TRAP1: variants seen among roughly 807,000 people sequenced by gnomAD.
TRAP1 encodes the protein heat shock protein 75 kDa, mitochondrial.
Under a neutral mutation model 89.1 loss-of-function variants are expected in TRAP1, and 102 were observed. That is an observed-to-expected ratio of 1.15 (90% CI 0.98 to 1.35). TRAP1 has a LOEUF of 1.35. TRAP1 is among the 40% of genes most tolerant of loss of function. The pLI, the probability that TRAP1 is intolerant of heterozygous loss-of-function variation, is 0.00. For synonymous variants in TRAP1, 508 were observed against 388.0 expected, an observed-to-expected ratio of 1.31 and a Z score of -3.64; for missense variants, 1,256 against 945.3, an observed-to-expected ratio of 1.33 and a Z score of -4.31.
At chr16:3,706,019 C>T (rs752406275) in intron 1 of TRAP1, among the ~76,000 whole-genome samples, 15 of 144,802 alleles carry the variant, frequency 1.0e-4, no homozygotes, top group East Asian at 4.1e-4. Flanking sequence ...TTTTTTGAGA[C>T]GGAGTCTCAC....
rs934115716 is a variant in TRAP1 at position 3,672,505 on chromosome 16, C to G, written c.1165+195G>C. On this transcript the variant is annotated intron_variant, in intron 10 of 17. Coordinates refer to ENST00000246957, the MANE Select transcript of TRAP1 (RefSeq NM_016292.3). ...AATCTGAACACCCCAGTGCTCCCCC[C>G]AGATCAGTCATGTGCGTAGGGAGGT... 5.9e-5 allele frequency among the ~76,000 whole-genome samples: 9 copies of G among 152,162 alleles called. No homozygotes were observed. The East Asian group carries it at 7.7e-4, about 13-fold the overall frequency.
intron 15 of TRAP1, chr16:3,662,350 C>G (rs1036638068): frequency 6.4e-6 from 4 of 626,528 alleles, no homozygotes; most frequent in Admixed American, 3.0e-5. Context: ...GCTCCACCAC[C>G]CTGGTGCCCC....
intron 11 of TRAP1, among the ~76,000 whole-genome samples, chr16:3,671,160 G>C (rs1314434994): frequency 6.6e-6 from 1 of 152,008 alleles, no homozygotes; most frequent in Non-Finnish European, 1.5e-5. Context: ...CACCCCACAG[G>C]CTCCCTCTGA....
intron 1 of TRAP1, 87 bp from the exon 2 acceptor site, chr16:3,691,072 G>A: frequency 7.8e-7 from 1 of 1,280,320 alleles, no homozygotes; most frequent in Non-Finnish European, 1.0e-6. Context: ...GTGTCTAGCA[G>A]AAGCTAGCGT....
chr16:3,677,802 G>T (rs890487699), intron 5 of TRAP1, 144 bp from the exon 6 acceptor site: 2 of 926,030 alleles, frequency 2.2e-6, no homozygotes, highest in Non-Finnish European at 1.6e-6. Flanking sequence ...CATTCTACAC[G>T]TGAAGAGCTA....
intron 1 of TRAP1, among the ~76,000 whole-genome samples, chr16:3,700,325 G>A (rs1040679643): frequency 2.0e-5 from 3 of 151,510 alleles, no homozygotes; most frequent in Non-Finnish European, 2.9e-5. Flanking sequence ...GTGCCACCAC[G>A]CCTGGCTAAT....
At chr16:3,700,341 A>AT (rs1179272791) in intron 1 of TRAP1, among the ~76,000 whole-genome samples, 2 of 150,346 alleles carry the variant, frequency 1.3e-5, no homozygotes, top group African/African-American at 2.4e-5. Flanking sequence ...CTAATTTTGC[A>AT]TTTTTTGTAG....
intron 1 of TRAP1, among the ~76,000 whole-genome samples, chr16:3,713,252 C>T (rs1194571282): frequency 1.3e-5 from 2 of 152,130 alleles, no homozygotes; most frequent in Non-Finnish European, 2.9e-5. Flanking sequence ...GCACAGGCTC[C>T]AAACAAAGGG....
At chr16:3,694,994 T>C (rs2051267248) in intron 1 of TRAP1, among the ~76,000 whole-genome samples, 1 of 152,126 alleles carries the variant, frequency 6.6e-6, no homozygotes, top group South Asian at 2.1e-4. Context: ...TTGCTTGGCT[T>C]GTGGGTGGTC....
chr16:3,714,174 A>T (rs537769481), intron 1 of TRAP1, among the ~76,000 whole-genome samples: 1 of 152,084 alleles, frequency 6.6e-6, no homozygotes, highest in Non-Finnish European at 1.5e-5. Flanking sequence ...TTGTTTCTCT[A>T]ATGTGCTGTC....
intron 1 of TRAP1, among the ~76,000 whole-genome samples, chr16:3,701,418 T>C (rs946407713): frequency 6.6e-6 from 1 of 152,076 alleles, no homozygotes; most frequent in African/African-American, 2.4e-5. Context: ...CCGGGCACAG[T>C]AGCTCACGCC....
chr16:3,684,875 T>A (rs1423350284), intron 4 of TRAP1, among the ~76,000 whole-genome samples: 1 of 152,156 alleles, frequency 6.6e-6, no homozygotes, highest in Non-Finnish European at 1.5e-5. Context: ...CCAAAGGATA[T>A]AATGGAGCTC....
At chr16:3,660,204 A>C (rs1263029450) in intron 16 of TRAP1, 1 of 152,276 alleles carries the variant, frequency 6.6e-6, no homozygotes. Flanking sequence ...GCAGCTGCCC[A>C]CAAATGCACA....
chr16:3,693,987 C>A (rs1402695424), intron 1 of TRAP1, among the ~76,000 whole-genome samples: 1 of 112,328 alleles, frequency 8.9e-6, no homozygotes, highest in South Asian at 3.3e-4. Flanking sequence ...GGTGAGACAG[C>A]GAGACTCTGT....
At chr16:3,682,608 G>C (rs1263924665) in intron 4 of TRAP1, among the ~76,000 whole-genome samples, 1 of 152,080 alleles carries the variant, frequency 6.6e-6, no homozygotes, top group South Asian at 2.1e-4. Flanking sequence ...GCCCAGGCTG[G>C]TCTTGAACTC....
chr16:3,701,934 G>A (rs757112140), intron 1 of TRAP1, among the ~76,000 whole-genome samples: 10 of 152,080 alleles, frequency 6.6e-5, no homozygotes, highest in Admixed American at 1.3e-4. Context: ...GAGGCTGCCC[G>A]GCACGGTGGC....
intron 1 of TRAP1, among the ~76,000 whole-genome samples, chr16:3,696,683 A>C (rs1013590700): frequency 2.0e-5 from 3 of 151,726 alleles, no homozygotes. Context: ...CAGCCTCCTG[A>C]GTAGCTGGGA....
chr16:3,665,861 C>T (rs949688619), intron 12 of TRAP1, 110 bp downstream of exon 12: 188 of 1,365,240 alleles, frequency 1.4e-4, no homozygotes, highest in Non-Finnish European at 1.7e-4. Context: ...CAGCAGCAGC[C>T]AGGGTACCCA....
intron 10 of TRAP1, 37 bp from the exon 11 acceptor site, chr16:3,671,828 G>A (rs374484239): frequency 3.7e-5 from 60 of 1,601,182 alleles, no homozygotes; most frequent in African/African-American, 1.5e-4. Flanking sequence ...CCGGGGCTGC[G>A]GCCCTCCACA....
Sources: gnomAD v4.1 joint callset for allele counts (sites outside exome capture counted in the v4.1 genomes callset) on GRCh38, gnomAD v4.1.1 for gene constraint, MANE v1.5 for transcripts, NCBI Gene and HGNC (gene_info 2026-07-23, HGNC 2026-07-21) for gene names.